Variants in SGCZ observed in about 807,000 individuals in gnomAD.
The protein encoded by SGCZ is zeta-sarcoglycan.
SGCZ carries 40 observed loss-of-function variants against 41.3 expected under a neutral mutation model. The ratio of observed to expected loss-of-function variants is 0.97; its 90% CI spans 0.75 to 1.26. The LOEUF (loss-of-function observed/expected upper bound fraction) is 1.26. Among genes scored for constraint, SGCZ ranks in the 50% most tolerant of loss-of-function variants. The pLI, the probability that SGCZ is intolerant of heterozygous loss-of-function variation, is 0.00. For synonymous variants in SGCZ, 206 were observed against 137.5 expected (o/e 1.50, Z -3.49); for missense variants, 552 against 369.8 (o/e 1.49, Z -4.04).
chr8:15,224,874 A>T (rs1801718046), intron 1 of SGCZ, among the ~76,000 whole-genome samples: 1 of 152,198 alleles, frequency 6.6e-6, no homozygotes, highest in Non-Finnish European at 1.5e-5. Flanking sequence ...GAAAGTCATC[A>T]CCTATAAGTT....
At chr8:14,944,112 A>T (rs1446189810) in intron 1 of SGCZ, among the ~76,000 whole-genome samples, 1 of 152,134 alleles carries the variant, frequency 6.6e-6, no homozygotes, top group Non-Finnish European at 1.5e-5. Context: ...CGTCTAACTT[A>T]GCCATCCTCT....
chr8:15,055,289 C>G (rs1288063589), intron 1 of SGCZ, among the ~76,000 whole-genome samples: 1 of 152,042 alleles, frequency 6.6e-6, no homozygotes, highest in East Asian at 1.9e-4. Flanking sequence ...CAAAATAAAG[C>G]CTGGTTCACA....
intron 3 of SGCZ, among the ~76,000 whole-genome samples, chr8:14,257,995 G>A (rs919684207): frequency 4.6e-5 from 7 of 152,148 alleles, no homozygotes; most frequent in African/African-American, 1.7e-4. Flanking sequence ...CAAATGAAAT[G>A]TCGGGGGAAT....
At chr8:14,402,049 C>CATTT (rs1799092117) in intron 2 of SGCZ, among the ~76,000 whole-genome samples, 1 of 152,176 alleles carries the variant, frequency 6.6e-6, no homozygotes, top group Non-Finnish European at 1.5e-5. Flanking sequence ...GGATGATGAG[C>CATTT]ATTTTCTCAT....
chr8:15,088,235 C>T (rs540952115), intron 1 of SGCZ, among the ~76,000 whole-genome samples: 54 of 152,280 alleles, frequency 3.5e-4, no homozygotes, highest in Admixed American at 3.0e-3. Flanking sequence ...CCTACATTTA[C>T]ACACGCAGTA....
At chr8:14,108,406 GAA>G (rs1802273970) in intron 5 of SGCZ, among the ~76,000 whole-genome samples, 171 bp from the exon 6 acceptor site, 2 of 152,180 alleles carry the variant, frequency 1.3e-5, no homozygotes, top group Admixed American at 1.3e-4. Context: ...AGACTGAGAA[GAA>G]AAAGAGGTTT....
At chr8:15,095,432 A>G (rs974979272) in intron 1 of SGCZ, among the ~76,000 whole-genome samples, 1 of 152,184 alleles carries the variant, frequency 6.6e-6, no homozygotes, top group Admixed American at 6.5e-5. Context: ...CATTTCATCT[A>G]TGCATTTCAG....
chr8:14,877,901 T>G lies in SGCZ; in HGVS notation c.40-322975A>C, dbSNP rs191077852. On this transcript the variant is annotated intron_variant, in intron 1 of 7. Coordinates refer to ENST00000382080, the MANE Select transcript of SGCZ (RefSeq NM_139167.4). ...TATTACATTTATGCAAAAGGGTTTT[T>G]TTTTTCCAATGTAAATGTGAAATTG... Among the ~76,000 whole-genome samples, 43 of 152,306 alleles carry G rather than the reference T, an allele frequency of 2.8e-4. 2 individuals carry two copies. The highest frequency in any genetic ancestry group is 9.9e-4 in the African/African-American group (41 of 41,578).
chr8:14,440,882 T>C (rs991157648), intron 2 of SGCZ, among the ~76,000 whole-genome samples: 1 of 151,550 alleles, frequency 6.6e-6, no homozygotes, highest in Middle Eastern at 3.4e-3. Flanking sequence ...CGCACACACA[T>C]ACATGAGTAA....
intron 1 of SGCZ, among the ~76,000 whole-genome samples, chr8:14,624,613 C>T (rs1166607137): frequency 7.5e-6 from 1 of 133,216 alleles, no homozygotes; most frequent in Non-Finnish European, 1.5e-5. Flanking sequence ...CTCTGTCGCC[C>T]AGGCTGGAGT....
chr8:14,678,825 A>AGAT (rs962071709), intron 1 of SGCZ, among the ~76,000 whole-genome samples: 1 of 152,250 alleles, frequency 6.6e-6, no homozygotes, highest in African/African-American at 2.4e-5. Flanking sequence ...TGGTACACCC[A>AGAT]GATGATGGAA....
At chr8:14,747,699 G>A in intron 1 of SGCZ, among the ~76,000 whole-genome samples, 1 of 74,348 alleles carries the variant, frequency 1.3e-5, no homozygotes, top group Non-Finnish European at 3.0e-5. Context: ...TTATGTGTGT[G>A]TGTATTTGTG....
intron 2 of SGCZ, among the ~76,000 whole-genome samples, chr8:14,353,044 A>C (rs997525853): frequency 1.3e-5 from 2 of 152,016 alleles, no homozygotes; most frequent in African/African-American, 4.8e-5. Context: ...TGGACCAACC[A>C]AAATTAGAAG....
intron 1 of SGCZ, among the ~76,000 whole-genome samples, chr8:14,721,227 C>A (rs570999397): frequency 2.8e-4 from 43 of 152,222 alleles, no homozygotes; most frequent in African/African-American, 9.1e-4. Flanking sequence ...GCATCTAGTT[C>A]CATGGTTTTA....
At chr8:14,993,186 C>A (rs1357276208) in intron 1 of SGCZ, among the ~76,000 whole-genome samples, 1 of 152,158 alleles carries the variant, frequency 6.6e-6, no homozygotes, top group Non-Finnish European at 1.5e-5. Flanking sequence ...GTCTGACAGC[C>A]CTTTAACTCA....
At chr8:14,215,307 G>A (rs1181252722) in intron 4 of SGCZ, among the ~76,000 whole-genome samples, 1 of 151,986 alleles carries the variant, frequency 6.6e-6, no homozygotes, top group Admixed American at 6.6e-5. Flanking sequence ...ACATACATAT[G>A]TGTATATATA....
intron 2 of SGCZ, among the ~76,000 whole-genome samples, chr8:14,362,390 G>T (rs1803554995): frequency 6.6e-6 from 1 of 152,162 alleles, no homozygotes; most frequent in South Asian, 2.1e-4. Flanking sequence ...GCCTACTCAA[G>T]CCTCAGCAAT....
intron 2 of SGCZ, among the ~76,000 whole-genome samples, chr8:14,341,084 A>G (rs1475055341): frequency 6.6e-6 from 1 of 152,186 alleles, no homozygotes. Flanking sequence ...AGAGTCATCT[A>G]TGTTGTAGCA....
At chr8:14,141,078 T>G (rs1481558399) in intron 5 of SGCZ, among the ~76,000 whole-genome samples, 1 of 152,192 alleles carries the variant, frequency 6.6e-6, no homozygotes, top group Admixed American at 6.5e-5. Context: ...GGGAAAGGAT[T>G]CCCTATTTAA....
Sources: allele counts gnomAD v4.1 joint callset (sites outside exome capture counted in the v4.1 genomes callset), GRCh38; gene constraint gnomAD v4.1.1; transcripts MANE v1.5; gene names NCBI Gene and HGNC (gene_info 2026-07-23, HGNC 2026-07-21).